NRG1: variants seen among roughly 807,000 people sequenced by gnomAD.
NRG1 encodes the protein neuregulin 1.
In NRG1, 18 loss-of-function variants were observed where a neutral mutation model predicts 63.8. The observed-to-expected ratio is 0.28, with a 90% CI of 0.19 to 0.42. The LOEUF is 0.42. Among genes scored for constraint, NRG1 ranks in the 10% least tolerant of loss-of-function variants. NRG1 has a pLI of 1.00. For synonymous variants in NRG1, 302 were observed against 301.3 expected (o/e 1.00, Z -0.02); for missense variants, 762 against 814.7 (o/e 0.94, Z 0.79).
chr8:32,041,200 T>G (rs1440085360), intron 1 of NRG1, among the ~76,000 whole-genome samples: 1 of 152,160 alleles, frequency 6.6e-6, no homozygotes, highest in Admixed American at 6.6e-5. Context: ...AGGCTAAAAT[T>G]TATTTGTCTC....
chr8:32,324,726 T>C (rs1343052993), intron 1 of NRG1, among the ~76,000 whole-genome samples: 1 of 152,196 alleles, frequency 6.6e-6, no homozygotes, highest in Non-Finnish European at 1.5e-5. Flanking sequence ...TAGTTCTCAA[T>C]AGTTTTAGAA....
At chr8:32,249,646 C>A (rs1161526692) in intron 1 of NRG1, among the ~76,000 whole-genome samples, 1 of 152,066 alleles carries the variant, frequency 6.6e-6, no homozygotes, top group Admixed American at 6.6e-5. Context: ...GCCTTGCTAC[C>A]AATAGACAAG....
chr8:31,688,024 C>A (rs1010201803), intron 1 of NRG1, among the ~76,000 whole-genome samples: 5 of 152,206 alleles, frequency 3.3e-5, no homozygotes, highest in Non-Finnish European at 7.3e-5. Flanking sequence ...TCTCCTATGT[C>A]TGCTGCACTA....
At position 32,302,997 on chromosome 8, in the gene NRG1, C is replaced by T. The variant is rs550913580; in HGVS notation, c.38-292831C>T. 1.0e-3 allele frequency among the ~76,000 whole-genome samples: 151 copies of T among 150,918 alleles called. 1 individual carries two copies. Among genetic ancestry groups the T allele is most frequent in the African/African-American group, 3.5e-3 (146 of 41,248 alleles). On this transcript the variant is annotated intron_variant, in intron 1 of 10. Transcript: ENST00000519301. ...AGGAGTTCGAGACCAGCCTGGCCAA[C>T]GTGGTAAAGCCCTGTCTCTGCTAAA...
chr8:32,284,493 TC>T (rs1853277104), intron 1 of NRG1, among the ~76,000 whole-genome samples: 2 of 27,566 alleles, frequency 7.3e-5, no homozygotes, highest in Admixed American at 1.0e-3. Context: ...CTGCCTGCCT[TC>T]CTTCCTTCCT....
At chr8:32,763,366 T>C (rs375840563) in intron 11 of NRG1, 2 of 1,613,192 alleles carry the variant, frequency 1.2e-6, no homozygotes, top group South Asian at 2.2e-5. Context: ...GAAGGTATAG[T>C]ATTTAAGTAA....
chr8:32,689,130 A>G (rs1265987574), intron 5 of NRG1, among the ~76,000 whole-genome samples: 3 of 152,208 alleles, frequency 2.0e-5, no homozygotes, highest in Admixed American at 1.3e-4. Context: ...AAGTGAGCCT[A>G]TTATTTGTAT....
At chr8:32,590,313 G>C (rs982570676) in intron 1 of NRG1, among the ~76,000 whole-genome samples, 2 of 152,118 alleles carry the variant, frequency 1.3e-5, no homozygotes, top group Non-Finnish European at 2.9e-5. Context: ...CTTAAAACTT[G>C]CTCTGTTATT....
At chr8:32,690,506 T>C (rs939264581) in intron 5 of NRG1, among the ~76,000 whole-genome samples, 4 of 152,194 alleles carry the variant, frequency 2.6e-5, no homozygotes, top group African/African-American at 9.6e-5. Context: ...TACCTCCTGC[T>C]GCATTCATTC....
intron 1 of NRG1, among the ~76,000 whole-genome samples, chr8:31,671,392 T>C (rs551501472): frequency 9.2e-5 from 14 of 152,320 alleles, no homozygotes; most frequent in South Asian, 2.1e-4. Context: ...ATATGTATAC[T>C]ATTGTGCAAC....
intron 1 of NRG1, among the ~76,000 whole-genome samples, chr8:31,658,190 A>G (rs1191681530): frequency 6.6e-6 from 1 of 152,084 alleles, no homozygotes; most frequent in Non-Finnish European, 1.5e-5. Flanking sequence ...AGGAAACAGC[A>G]CTCATCATAC....
chr8:31,890,824 C>A (rs1298155080), intron 1 of NRG1, among the ~76,000 whole-genome samples: 3 of 152,092 alleles, frequency 2.0e-5, no homozygotes, highest in Non-Finnish European at 4.4e-5. Flanking sequence ...AGAAAACAAA[C>A]CTAATACCAA....
At chr8:32,701,112 T>C (rs1223419388) in intron 5 of NRG1, among the ~76,000 whole-genome samples, 2 of 152,240 alleles carry the variant, frequency 1.3e-5, no homozygotes, top group South Asian at 2.1e-4. Flanking sequence ...GTCCTGTTCA[T>C]GTTCTCAGAG....
At chr8:31,751,181 C>G (rs1392239561) in intron 1 of NRG1, among the ~76,000 whole-genome samples, 1 of 152,000 alleles carries the variant, frequency 6.6e-6, no homozygotes, top group Admixed American at 6.6e-5. Flanking sequence ...GGCAAGACAT[C>G]TTACCAACAG....
chr8:32,261,730 A>G (rs1209170791), intron 1 of NRG1, among the ~76,000 whole-genome samples: 1 of 152,158 alleles, frequency 6.6e-6, no homozygotes, highest in East Asian at 1.9e-4. Flanking sequence ...AGGCATTCTC[A>G]TTTCAGAAGC....
chr8:32,762,529 A>G (rs1157843199), intron 11 of NRG1, among the ~76,000 whole-genome samples: 2 of 152,198 alleles, frequency 1.3e-5, no homozygotes, highest in Non-Finnish European at 2.9e-5. Flanking sequence ...CAAGGCCCAC[A>G]TATTTCAATT....
chr8:32,212,354 C>G (rs1240183506), intron 1 of NRG1, among the ~76,000 whole-genome samples: 1 of 152,044 alleles, frequency 6.6e-6, no homozygotes, highest in African/African-American at 2.4e-5. Context: ...TCCATGTATA[C>G]CTGGGATCTG....
chr8:32,155,378 TGGCCAAGTTA>T (rs995968427), intron 1 of NRG1, among the ~76,000 whole-genome samples: 1 of 152,232 alleles, frequency 6.6e-6, no homozygotes, highest in African/African-American at 2.4e-5. Flanking sequence ...CGTATAGCCT[TGGCCAAGTTA>T]TTTACTGCCA....
chr8:32,310,351 GCA>G (rs1242734188), intron 1 of NRG1, among the ~76,000 whole-genome samples: 1 of 152,156 alleles, frequency 6.6e-6, no homozygotes, highest in Non-Finnish European at 1.5e-5. Context: ...CACAGAAAAG[GCA>G]CAGTGTTGAA....
Sources: allele counts gnomAD v4.1 joint callset (sites outside exome capture counted in the v4.1 genomes callset), GRCh38; gene constraint gnomAD v4.1.1; transcripts MANE v1.5; gene names NCBI Gene and HGNC (gene_info 2026-07-23, HGNC 2026-07-21).